NEMP2: variants seen among roughly 807,000 people sequenced by gnomAD.
NEMP2 encodes UPF0571 transmembrane protein.
A neutral mutation model predicts 54.2 loss-of-function variants in NEMP2; 53 were observed. The observed-to-expected ratio is 0.98, with a 90% CI of 0.78 to 1.23. The LOEUF (loss-of-function observed/expected upper bound fraction) is 1.23. Among genes scored for constraint, NEMP2 ranks in the 50% most tolerant of loss-of-function variants. NEMP2 has a pLI of 0.00. For missense variants in NEMP2, 455 were observed against 511.3 expected, an observed-to-expected ratio of 0.89 and a Z score of 1.06; for synonymous variants, 197 against 190.3, an observed-to-expected ratio of 1.04 and a Z score of -0.29.
At chr2:190,431,574 G>C in the NEMP2 span, among the ~76,000 whole-genome samples, 11 of 152,188 alleles carry the variant, frequency 7.2e-5, no homozygotes, top group Admixed American at 3.3e-4. This position sits in a 1 kb window ranked among gnomAD's most constrained non-coding sequence, Gnocchi z 4.4. Context: ...GTGTGGCGGC[G>C]CGCGCCTGCA....
chr2:190,618,531 G>C, the NEMP2 span, among the ~76,000 whole-genome samples: 1 of 152,158 alleles, frequency 6.6e-6, no homozygotes, highest in African/African-American at 2.4e-5. Context: ...TATTAGCTAG[G>C]GATAGATGAT....
At chr2:190,489,749 G>T in the NEMP2 span, 1 of 1,607,460 alleles carries the variant, frequency 6.2e-7, no homozygotes, top group African/African-American at 1.3e-5. The surrounding 1 kb of genome is among the most constrained non-coding windows in gnomAD (Gnocchi z 6.6). Context: ...ACTCTATAGA[G>T]TGCTGTTTGT....
the NEMP2 span, among the ~76,000 whole-genome samples, chr2:190,548,228 T>C: frequency 1.3e-5 from 2 of 152,238 alleles, no homozygotes. Flanking sequence ...TCCTTTTTTT[T>C]TTCTTTTCAC....
the NEMP2 span, among the ~76,000 whole-genome samples, chr2:190,629,501 T>C: frequency 1.8e-4 from 28 of 152,308 alleles, no homozygotes; most frequent in African/African-American, 6.3e-4. Context: ...GTTGGAAGAA[T>C]GATGAAATCA....
chr2:190,587,750 G>A, the NEMP2 span, among the ~76,000 whole-genome samples: 1 of 152,138 alleles, frequency 6.6e-6, no homozygotes, highest in Admixed American at 6.6e-5. The surrounding 1 kb of genome is among the most constrained non-coding windows in gnomAD (Gnocchi z 5.4). Context: ...GAATTGAGAA[G>A]GTAATTGTAG....
the NEMP2 span, among the ~76,000 whole-genome samples, chr2:190,449,014 T>C: frequency 6.6e-6 from 1 of 152,240 alleles, no homozygotes; most frequent in Admixed American, 6.5e-5. Context: ...TTTATCCAAA[T>C]ACCTCAGGTA....
the NEMP2 span, chr2:190,629,915 A>G: frequency 8.5e-5 from 13 of 152,260 alleles, no homozygotes; most frequent in Non-Finnish European, 1.8e-4. Flanking sequence ...TGTAACAGGA[A>G]ATAAAACATG....
the NEMP2 span, among the ~76,000 whole-genome samples, chr2:190,605,374 T>C: frequency 8.6e-4 from 130 of 151,580 alleles, no homozygotes; most frequent in African/African-American, 3.0e-3. Flanking sequence ...TATTTATTTA[T>C]TTATTTATTT....
At chr2:190,591,485 G>A in the NEMP2 span, among the ~76,000 whole-genome samples, 15 of 151,902 alleles carry the variant, frequency 9.9e-5, no homozygotes, top group Non-Finnish European at 2.1e-4. This position sits in a 1 kb window ranked among gnomAD's most constrained non-coding sequence, Gnocchi z 5.4. Context: ...GTGTGTGTGC[G>A]TGTGTGTGTG....
the NEMP2 span, among the ~76,000 whole-genome samples, chr2:190,472,619 C>A: frequency 6.6e-6 from 1 of 152,156 alleles, no homozygotes; most frequent in East Asian, 1.9e-4. Context: ...GATTGGTGTA[C>A]CTGAAAGTGA....
At chr2:190,643,771 A>G in the NEMP2 span, among the ~76,000 whole-genome samples, 1 of 152,292 alleles carries the variant, frequency 6.6e-6, no homozygotes, top group East Asian at 1.9e-4. Flanking sequence ...TATAAAAAAT[A>G]GAAAAATTAG....
chr2:190,648,513 GTTGTTT>G, the NEMP2 span: 2 of 58,594 alleles, frequency 3.4e-5, no homozygotes, highest in African/African-American at 5.7e-5. Flanking sequence ...CCGGCGCGCT[GTTGTTT>G]TTTTTTTTTT....
upstream of NEMP2, among the ~76,000 whole-genome samples, chr2:190,538,185 GT>G (rs77070133): frequency 0.011 from 1,719 of 151,280 alleles, 37 homozygotes; most frequent in African/African-American, 0.038. This position sits in a 1 kb window ranked among gnomAD's most constrained non-coding sequence, Gnocchi z 4.1. Context: ...ATAAGATCCA[GT>G]TTTTTTTTAG....
the NEMP2 span, among the ~76,000 whole-genome samples, chr2:190,607,416 G>A: frequency 2.0e-5 from 3 of 152,130 alleles, no homozygotes; most frequent in Admixed American, 2.0e-4. This position sits in a 1 kb window ranked among gnomAD's most constrained non-coding sequence, Gnocchi z 5.2. Flanking sequence ...CCAAAGCCAT[G>A]ACCCTAGACT....
chr2:190,455,258 A>C, the NEMP2 span, among the ~76,000 whole-genome samples: 1 of 146,090 alleles, frequency 6.8e-6, no homozygotes, highest in Non-Finnish European at 1.5e-5. Context: ...TTTCATTATT[A>C]CTATTAAGTT....
At chr2:190,629,192 C>A in the NEMP2 span, among the ~76,000 whole-genome samples, 9 of 152,298 alleles carry the variant, frequency 5.9e-5, no homozygotes, top group East Asian at 1.7e-3. Context: ...TTTTGGAAGC[C>A]ATCATGACAC....
the NEMP2 span, among the ~76,000 whole-genome samples, chr2:190,618,071 C>A: frequency 6.6e-6 from 1 of 152,326 alleles, no homozygotes; most frequent in Non-Finnish European, 1.5e-5. Flanking sequence ...GGAGAGACCT[C>A]TGAACGTATT....
chr2:190,574,778 T>TCCGTCCCTCCCTTCCCTC, the NEMP2 span, among the ~76,000 whole-genome samples: 1 of 105,626 alleles, frequency 9.5e-6, no homozygotes, highest in African/African-American at 4.3e-5. Flanking sequence ...CTCCCTTCCC[T>TCCGTCCCTCCCTTCCCTC]CCTTCCCTCC....
chr2:190,644,804 A>C, the NEMP2 span, among the ~76,000 whole-genome samples: 1 of 152,216 alleles, frequency 6.6e-6, no homozygotes, highest in Admixed American at 6.5e-5. This position sits in a 1 kb window ranked among gnomAD's most constrained non-coding sequence, Gnocchi z 4.4. Flanking sequence ...TAGTGGGCTT[A>C]ATACCTGGGT....
Sources: gnomAD v4.1 joint callset for allele counts (sites outside exome capture counted in the v4.1 genomes callset) on GRCh38, gnomAD v4.1.1 for gene constraint, Gnocchi (gnomAD v3.1) non-coding constraint, MANE v1.5 for transcripts, NCBI Gene and HGNC (gene_info 2026-07-23, HGNC 2026-07-21) for gene names.